Variants in SIM1 observed in about 807,000 individuals in gnomAD.
SIM1 encodes SIM bHLH transcription factor 1, also known as single-minded homolog 1.
SIM1 carries 18 observed loss-of-function variants against 78.2 expected under a neutral mutation model. The observed-to-expected ratio is 0.23, with a 90% confidence interval of 0.16 to 0.34. SIM1 has a LOEUF of 0.34. SIM1 is among the 10% of genes least tolerant of loss of function. SIM1 has a pLI of 1.00. For missense variants in SIM1, 939 were observed against 975.1 expected (o/e 0.96, Z 0.49); for synonymous variants, 417 against 385.2 (o/e 1.08, Z -0.97).
chr6:100,447,180 TTGTCTAACC>T (rs1772377458), intron 9 of SIM1, 79 bp downstream of exon 9: 3 of 1,490,378 alleles, frequency 2.0e-6, no homozygotes, highest in Admixed American at 3.9e-5. Context: ...GGCCCGAGCC[TTGTCTAACC>T]CGGCCGTGCC....
intron 9 of SIM1, among the ~76,000 whole-genome samples, chr6:100,442,894 T>C (rs1454589908): frequency 6.6e-6 from 1 of 152,110 alleles, no homozygotes; most frequent in Non-Finnish European, 1.5e-5. Flanking sequence ...TGCTGCTTTA[T>C]GGCAAGGATA....
At chr6:100,439,252 AG>A (rs1316785534) in intron 9 of SIM1, among the ~76,000 whole-genome samples, 3 of 152,194 alleles carry the variant, frequency 2.0e-5, no homozygotes, top group Non-Finnish European at 4.4e-5. Flanking sequence ...CAGTGTTACA[AG>A]GAGTGCTTAC....
Position 100,385,542 on chromosome 6 carries a change from AC to A in SIM1, c.*4818del, listed in dbSNP as rs904293410. 2.6e-5 allele frequency: 4 copies of A among 151,994 alleles called. No homozygotes were observed. The highest frequency in any genetic ancestry group is 5.9e-5 in the Non-Finnish European group (4 of 67,938). The allele number at this position is 151,994 out of a possible 1,614,324, so 9.4% of individuals were successfully genotyped here. On this transcript the variant is annotated 3_prime_UTR_variant, in exon 12 of 12. Transcript: ENST00000369208. Reference sequence around the variant, plus strand: ...CAGGTCAGCAAATTAGGGCAAATTAACCCCAACCCCATATAGATTTATGAAA... The same window carrying A: ...CAGGTCAGCAAATTAGGGCAAATTAACCCAACCCCATATAGATTTATGAAA...
At chr6:100,450,696 T>TCTCTCTCTCTCTCTCTCTCTCACA (rs1421452803) in intron 3 of SIM1, among the ~76,000 whole-genome samples, 1 of 91,878 alleles carries the variant, frequency 1.1e-5, no homozygotes, top group South Asian at 4.7e-4. Context: ...TCTCTCTCTC[T>TCTCTCTCTCTCTCTCTCTCTCACA]CACACACACA....
chr6:100,389,761 T>C lies in SIM1; in HGVS notation c.*600A>G, dbSNP rs1375544136. On this transcript the variant is annotated 3_prime_UTR_variant, in exon 12 of 12. Transcript: ENST00000369208. The stretch of plus-strand genomic sequence containing the variant: ...TGGATACCAGGTGAAAACTCATTTT[T>C]GCACCATATCCAGAACCATTTCTCT... The C allele has an allele frequency of 7.5e-6, 3 of 399,014 alleles. No individual in the cohort carries two copies. Among genetic ancestry groups the C allele is most frequent in the Non-Finnish European group, 1.3e-5 (3 of 226,164 alleles). The allele number at this position is 399,014 out of a possible 1,614,324, so 24.7% of individuals were successfully genotyped here. A position where few individuals can be genotyped will look rare whatever the true frequency, so the allele number is the denominator to read the frequency against.
chr6:100,420,695 G>A, intron 10 of SIM1, 95 bp downstream of exon 10: 1 of 1,212,186 alleles, frequency 8.2e-7, no homozygotes, highest in Non-Finnish European at 1.2e-6. Flanking sequence ...ATTAAAACTA[G>A]ATAATTCATT....
In SIM1 at chr6:100,393,516, G is replaced by A; in HGVS notation, c.1541C>T (p.Pro514Leu). The change falls in exon 11 of 12, where the codon CCT (proline) becomes CTT (leucine). Residue 514 changes from proline to leucine, a missense_variant. Physicochemically the swap from Pro to Leu is moderately conservative, Grantham distance 98 (BLOSUM62 -3). Around this residue, in one of 5 missense-constraint regions of SIM1, gnomAD observed 556 missense variants for 521.9 expected, o/e 1.07. Transcript: ENST00000369208. ...ESREAYENSM[P>L]HIASVHRIHG... ...GATCCTGTGGACTGAAGCGATGTGA[G>A]GCATGCTGTTTTCATAGGCTTCTCT... is the stretch of plus-strand genomic sequence containing the variant. 1 of 1,569,204 alleles carries A rather than the reference G, an allele frequency of 6.4e-7. No individual in the cohort carries two copies. Among genetic ancestry groups the A allele is most frequent in the Non-Finnish European group, 8.7e-7 (1 of 1,154,302 alleles).
intron 9 of SIM1, among the ~76,000 whole-genome samples, chr6:100,441,484 T>G (rs1772214291): frequency 6.6e-6 from 1 of 152,200 alleles, no homozygotes; most frequent in Non-Finnish European, 1.5e-5. Flanking sequence ...CAGCAGGCAA[T>G]TTGCATCACA....
chr6:100,423,489 G>A (rs1429676527), intron 9 of SIM1, among the ~76,000 whole-genome samples: 1 of 152,124 alleles, frequency 6.6e-6, no homozygotes, highest in Non-Finnish European at 1.5e-5. Flanking sequence ...TTTGGGGAAG[G>A]AACAAGAACT....
At chr6:100,409,203 A>G (rs1771131322) in intron 10 of SIM1, among the ~76,000 whole-genome samples, 1 of 152,122 alleles carries the variant, frequency 6.6e-6, no homozygotes, top group Admixed American at 6.6e-5. Flanking sequence ...TGCTGCACCC[A>G]TTAACTTGTC....
intron 10 of SIM1, among the ~76,000 whole-genome samples, chr6:100,418,423 C>T (rs1771469535): frequency 6.6e-6 from 1 of 150,680 alleles, no homozygotes; most frequent in Non-Finnish European, 1.5e-5. Flanking sequence ...TTTCTACTTT[C>T]TACTCATCTG....
intron 2 of SIM1, among the ~76,000 whole-genome samples, chr6:100,461,006 C>T (rs934215490): frequency 6.6e-6 from 1 of 151,716 alleles, no homozygotes; most frequent in Admixed American, 6.6e-5. Context: ...CCAGAGTTCA[C>T]ACATCGTCCA....
At chr6:100,437,005 G>T (rs186471348) in intron 9 of SIM1, among the ~76,000 whole-genome samples, 7 of 152,036 alleles carry the variant, frequency 4.6e-5, no homozygotes, top group Admixed American at 1.3e-4. Flanking sequence ...CAAAGTGCTG[G>T]GATGACAGGC....
chr6:100,462,879 T>C (rs1369933575), intron 2 of SIM1: 3 of 158,968 alleles, frequency 1.9e-5, no homozygotes, highest in African/African-American at 7.3e-5. Flanking sequence ...TCCAGGTACA[T>C]GGGTCTATCC....
chr6:100,438,876 C>T (rs1284815425), intron 9 of SIM1, among the ~76,000 whole-genome samples: 1 of 152,138 alleles, frequency 6.6e-6, no homozygotes, highest in African/African-American at 2.4e-5. Context: ...AACCAAATAT[C>T]ATATGTTCTC....
rs563024692 is a variant in SIM1, at chr6:100,447,249, G to A, written c.998+19C>T. 3 of 1,612,660 alleles carry A rather than the reference G, an allele frequency of 1.9e-6. No individual in the cohort carries two copies. The East Asian group carries it at 6.7e-5, about 36-fold the overall frequency. On this transcript the variant is annotated intron_variant, in intron 9 of 11. Transcript: ENST00000369208. ...AGGGTCGCCTGGGGTGGGTGAAGGG[G>A]TCTCAGTCTTGCACTCACGTGAGGA...
intron 9 of SIM1, among the ~76,000 whole-genome samples, chr6:100,438,023 T>C (rs1772101771): frequency 6.6e-6 from 1 of 152,052 alleles, no homozygotes; most frequent in Admixed American, 6.6e-5. Context: ...GAAGATAACA[T>C]TGGAAAAACT....
intron 9 of SIM1, chr6:100,437,429 C>G (rs73509402): frequency 6.6e-6 from 1 of 152,164 alleles, no homozygotes; most frequent in African/African-American, 2.4e-5. Context: ...CTAATATATA[C>G]CTCATATTTT....
At chr6:100,446,239 G>A (rs1294867059) in intron 9 of SIM1, among the ~76,000 whole-genome samples, 2 of 152,096 alleles carry the variant, frequency 1.3e-5, no homozygotes, top group Admixed American at 6.5e-5. Flanking sequence ...AACGTGAAAC[G>A]AATCTAGTCC....
Sources: allele counts gnomAD v4.1 joint callset (sites outside exome capture counted in the v4.1 genomes callset), GRCh38; gene constraint gnomAD v4.1.1; regional missense constraint gnomAD v4.1.1; transcripts MANE v1.5; gene names NCBI Gene and HGNC (gene_info 2026-07-23, HGNC 2026-07-21).